NFIX: variants seen among roughly 807,000 people sequenced by gnomAD.
NFIX encodes nuclear factor I X.
In NFIX, 2 loss-of-function variants were observed where a neutral mutation model predicts 53.3. The ratio of observed to expected loss-of-function variants is 0.04; its 90% CI spans 0.02 to 0.12. The LOEUF is 0.12. Among genes scored for constraint, NFIX ranks in the 10% least tolerant of loss-of-function variants. The pLI is 1.00. For synonymous variants in NFIX, 244 were observed against 289.0 expected, an observed-to-expected ratio of 0.84 and a Z score of 1.58; for missense variants, 310 against 674.5, an observed-to-expected ratio of 0.46 and a Z score of 5.99.
intron 2 of NFIX, among the ~76,000 whole-genome samples, chr19:13,056,550 T>C (rs2015706536): frequency 6.6e-6 from 1 of 152,104 alleles, no homozygotes; most frequent in Non-Finnish European, 1.5e-5. Flanking sequence ...AGTCCCGCCT[T>C]CTAGGATGCT....
At chr19:13,057,237 C>A (rs947990978) in intron 2 of NFIX, among the ~76,000 whole-genome samples, 1 of 152,212 alleles carries the variant, frequency 6.6e-6, no homozygotes. Context: ...GAGCCTCCCC[C>A]ACCAATGACA....
rs987426561 is a variant in NFIX, at chr19:13,001,908, G to C, written c.27+6044G>C. 1.3e-5 allele frequency among the ~76,000 whole-genome samples: 2 copies of C among 152,240 alleles called. No individual in the cohort carries two copies. The highest frequency in any genetic ancestry group is 2.4e-5 in the African/African-American group (1 of 41,460). ...GCTGGGGGCCCCGCCCGTGCCCCTG[G>C]CCTGGCGTGGACAGAAGCCCGTTGT... On this transcript the variant is annotated intron_variant, in intron 1 of 10. Transcript: ENST00000592199. This position sits in a 1 kb window ranked among gnomAD's most constrained non-coding sequence, Gnocchi z 6.5.
chr19:13,032,104 C>G (rs932892778), intron 2 of NFIX, among the ~76,000 whole-genome samples: 6 of 152,176 alleles, frequency 3.9e-5, no homozygotes, highest in Non-Finnish European at 8.8e-5. Context: ...TCTTTGATTT[C>G]TTGTTTGTTT....
At chr19:13,016,861 G>C (rs1029121677) in intron 1 of NFIX, among the ~76,000 whole-genome samples, 1 of 152,064 alleles carries the variant, frequency 6.6e-6, no homozygotes, top group Non-Finnish European at 1.5e-5. Flanking sequence ...CCTCCGGGCA[G>C]GTACTGACAG....
At chr19:13,035,824 G>T (rs2014146526) in intron 2 of NFIX, among the ~76,000 whole-genome samples, 1 of 152,150 alleles carries the variant, frequency 6.6e-6, no homozygotes, top group Non-Finnish European at 1.5e-5. Flanking sequence ...TGGGCTAATT[G>T]AATTGGCTCC....
At chr19:13,053,554 AG>A (rs1395574923) in intron 2 of NFIX, among the ~76,000 whole-genome samples, 1 of 152,014 alleles carries the variant, frequency 6.6e-6, no homozygotes, top group Middle Eastern at 3.2e-3. Context: ...GAAGGGAGAA[AG>A]GCCCCTAACC....
At chr19:13,016,306 A>T (rs145715001) in intron 1 of NFIX, among the ~76,000 whole-genome samples, 1 of 152,284 alleles carries the variant, frequency 6.6e-6, no homozygotes, top group African/African-American at 2.4e-5. Context: ...TAGCGGGCTG[A>T]TATAAAAGCT....
chr19:13,088,499 T>C lies in NFIX; in HGVS notation c.1402+363T>C, dbSNP rs1207309452. ...TCATGCCTGATTGCTGTTTTTTTTT[T>C]TTTGTTTTTTGTTTTTGTTTTTTAA... On this transcript the variant is annotated intron_variant, in intron 9 of 10. Coordinates refer to ENST00000592199, the MANE Select transcript of NFIX (RefSeq NM_001365902.3). This position sits in a 1 kb window ranked among gnomAD's most constrained non-coding sequence, Gnocchi z 5.9. Among the ~76,000 whole-genome samples, 1 of 151,758 alleles carries C rather than the reference T, an allele frequency of 6.6e-6. No individual in the cohort carries two copies. The highest frequency in any genetic ancestry group is 1.5e-5 in the Non-Finnish European group (1 of 67,922).
chr19:13,013,305 C>T lies in NFIX; in HGVS notation c.28-11716C>T, dbSNP rs1182242740. 3.3e-5 allele frequency among the ~76,000 whole-genome samples: 5 copies of T among 152,174 alleles called. No homozygotes were observed. The highest frequency in any genetic ancestry group is 9.7e-5 in the African/African-American group (4 of 41,426). ...GGTGGAGGAGGAAGCTGGCGTCGGG[C>T]TGAAGTCCCCCGAGCCACCCCTGGA... On this transcript the variant is annotated intron_variant, in intron 1 of 10. Transcript: ENST00000592199. This position sits in a 1 kb window ranked among gnomAD's most constrained non-coding sequence, Gnocchi z 5.9.
intron 2 of NFIX, among the ~76,000 whole-genome samples, chr19:13,038,722 A>G (rs1455854915): frequency 6.6e-6 from 1 of 152,224 alleles, no homozygotes; most frequent in Non-Finnish European, 1.5e-5. Flanking sequence ...CCTTGACCAC[A>G]TGCATAGCGT....
intron 2 of NFIX, among the ~76,000 whole-genome samples, chr19:13,064,134 C>T (rs1452186622): frequency 2.0e-5 from 3 of 152,202 alleles, no homozygotes; most frequent in African/African-American, 7.2e-5. Flanking sequence ...AGGGCATTCT[C>T]CACTGTCAGT....
intron 2 of NFIX, among the ~76,000 whole-genome samples, chr19:13,033,933 C>G (rs1374873641): frequency 1.3e-5 from 2 of 152,190 alleles, no homozygotes; most frequent in Admixed American, 6.5e-5. Context: ...GGAGCTGATT[C>G]CCTCCTCACA....
rs1017537728 is a variant in NFIX, at chr19:13,095,421, C to T, written c.*772C>T. 6.6e-6 allele frequency: 1 copy of T among 152,278 alleles called. No homozygotes were observed. Among genetic ancestry groups the T allele is most frequent in the Non-Finnish European group, 1.5e-5 (1 of 68,086 alleles). The allele number at this position is 152,278 out of a possible 1,614,324, so 9.4% of individuals were successfully genotyped here. On this transcript the variant is annotated 3_prime_UTR_variant, in exon 11 of 11. Coordinates refer to ENST00000592199, the MANE Select transcript of NFIX (RefSeq NM_001365902.3). ...GGGCCCTGGACCCCTCTGTACAGTC[C>T]GTAGGAAAAAGTCGGAATGCTCTCG...
At chr19:13,030,399 G>A (rs1214672489) in intron 2 of NFIX, among the ~76,000 whole-genome samples, 1 of 152,130 alleles carries the variant, frequency 6.6e-6, no homozygotes, top group Admixed American at 6.5e-5. Flanking sequence ...TGTGATTGAG[G>A]ACAATTGTTA....
chr19:13,050,953 C>G (rs2015292308), intron 2 of NFIX, among the ~76,000 whole-genome samples: 1 of 152,220 alleles, frequency 6.6e-6, no homozygotes, highest in Non-Finnish European at 1.5e-5. Context: ...GACCAGCCCC[C>G]TTGGAGATGG....
In NFIX at chr19:13,010,021, G is replaced by A. The variant is rs577378365; in HGVS notation, c.27+14157G>A. 5.8e-4 allele frequency among the ~76,000 whole-genome samples: 89 copies of A among 152,272 alleles called. 1 individual carries two copies. Among genetic ancestry groups the A allele is most frequent in the Middle Eastern group, 3.4e-3 (1 of 294 alleles). ...GAGCCCCCTGGCCCAGGCAGGCCCC[G>A]CCTCCACCGCCCCAGGGGCCCTCCG... On this transcript the variant is annotated intron_variant, in intron 1 of 10. Coordinates refer to ENST00000592199, the MANE Select transcript of NFIX (RefSeq NM_001365902.3).
At position 13,014,475 on chromosome 19, in the gene NFIX, G is replaced by A. The variant is rs1368601535; in HGVS notation, c.28-10546G>A. 6.6e-6 allele frequency: 1 copy of A among 152,256 alleles called. No homozygotes were observed. Among genetic ancestry groups the A allele is most frequent in the African/African-American group, 2.4e-5 (1 of 41,468 alleles). 9.4% of individuals were successfully genotyped at this position (152,256 alleles called of 1,614,324 possible). A position where few individuals can be genotyped will look rare whatever the true frequency, so the allele number is the denominator to read the frequency against. On this transcript the variant is annotated intron_variant, in intron 1 of 10. Transcript: ENST00000592199. This position sits in a 1 kb window ranked among gnomAD's most constrained non-coding sequence, Gnocchi z 4.4. ...GGTGGGAGAGTCAAACCCGGGTGTGGGGAAGCAGCTTCGCTGCCTACTCTG... is the reference window on the plus strand; with the variant it reads ...GGTGGGAGAGTCAAACCCGGGTGTGAGGAAGCAGCTTCGCTGCCTACTCTG...
chr19:13,091,150 C>T (rs1297595675), intron 10 of NFIX, among the ~76,000 whole-genome samples: 2 of 152,130 alleles, frequency 1.3e-5, no homozygotes, highest in African/African-American at 4.8e-5. Context: ...TTTAGGGGGC[C>T]TGAGGCTTTT....
At position 13,001,367 on chromosome 19, in the gene NFIX, C is replaced by A. The variant is rs2011684512; in HGVS notation, c.27+5503C>A. Among the ~76,000 whole-genome samples, 1 of 152,144 alleles carries A rather than the reference C, an allele frequency of 6.6e-6. No individual in the cohort carries two copies. Among genetic ancestry groups the A allele is most frequent in the Non-Finnish European group, 1.5e-5 (1 of 68,044 alleles). On this transcript the variant is annotated intron_variant, in intron 1 of 10. Coordinates refer to ENST00000592199, the MANE Select transcript of NFIX (RefSeq NM_001365902.3). The surrounding 1 kb of genome is among the most constrained non-coding windows in gnomAD (Gnocchi z 6.5). Reference sequence around the variant, plus strand: ...CTGCATGTGACTCCACGGATCATCGCACGCCCTGTCTCTTGTGTATTTGGT... The same window carrying A: ...CTGCATGTGACTCCACGGATCATCGAACGCCCTGTCTCTTGTGTATTTGGT...
Sources: allele counts gnomAD v4.1 joint callset (sites outside exome capture counted in the v4.1 genomes callset), GRCh38; gene constraint gnomAD v4.1.1; non-coding constraint Gnocchi (gnomAD v3.1); transcripts MANE v1.5; gene names NCBI Gene and HGNC (gene_info 2026-07-23, HGNC 2026-07-21).